FOXO1: variants seen among roughly 807,000 people sequenced by gnomAD.
FOXO1 encodes forkhead box protein O1.
In FOXO1, 6 loss-of-function variants were observed where a neutral mutation model predicts 44.1. The observed-to-expected ratio is 0.14, with a 90% CI of 0.07 to 0.27. FOXO1 has a LOEUF of 0.27. Ranked by LOEUF, FOXO1 falls within the 10% of genes least tolerant of loss-of-function variation. FOXO1 has a pLI of 1.00. For synonymous variants in FOXO1, 380 were observed against 362.7 expected, an observed-to-expected ratio of 1.05 and a Z score of -0.54; for missense variants, 737 against 888.8, an observed-to-expected ratio of 0.83 and a Z score of 2.17.
chr13:40,658,436 T>A (rs1877929453), intron 1 of FOXO1, among the ~76,000 whole-genome samples: 1 of 152,180 alleles, frequency 6.6e-6, no homozygotes, highest in Admixed American at 6.5e-5. Flanking sequence ...ATGAGCCATC[T>A]GAGGGCAGGG....
chr13:40,660,953 ACAACAACAACAAC>A lies in FOXO1; in HGVS notation c.630+4617_630+4629del, dbSNP rs527415656. Among the ~76,000 whole-genome samples the A allele has an allele frequency of 2.6e-3, 135 of 51,978 alleles. 2 individuals carry two copies. Among genetic ancestry groups the A allele is most frequent in the Admixed American group, 0.013 (65 of 5,136 alleles). The allele number at this position is 51,978 out of a possible 152,430, so 34.1% of individuals were successfully genotyped here. A position where few individuals can be genotyped will look rare whatever the true frequency, so the allele number is the denominator to read the frequency against. On this transcript the variant is annotated intron_variant, in intron 1 of 2. Coordinates refer to ENST00000379561, the MANE Select transcript of FOXO1 (RefSeq NM_002015.4). ...AGTGAGACCCTGGCTCAGAAAAACA[ACAACAACAACAAC>A]AACAACAACAACAACAACAACAAAA...
chr13:40,596,405 C>T (rs1875579051), intron 1 of FOXO1, among the ~76,000 whole-genome samples: 1 of 152,212 alleles, frequency 6.6e-6, no homozygotes, highest in Admixed American at 6.5e-5. Context: ...GACTACCTTG[C>T]ATACAGCCTT....
intron 1 of FOXO1, among the ~76,000 whole-genome samples, chr13:40,570,426 T>G (rs1393180909): frequency 6.6e-6 from 1 of 152,148 alleles, no homozygotes; most frequent in Non-Finnish European, 1.5e-5. Flanking sequence ...GACTACGGTA[T>G]TGAGGAACAA....
In FOXO1 at chr13:40,578,979, C is replaced by T. The variant is rs189751781; in HGVS notation, c.631-18119G>A. On this transcript the variant is annotated intron_variant, in intron 1 of 2. Coordinates refer to ENST00000379561, the MANE Select transcript of FOXO1 (RefSeq NM_002015.4). ...GGAAAATGCTGATCTAATGGCAAGA[C>T]GGTGGTAATGAGGAAGAAAATCTAA... Among the ~76,000 whole-genome samples the T allele has an allele frequency of 5.2e-3, 791 of 152,286 alleles. 7 individuals are homozygous for T. The highest frequency in any genetic ancestry group is 0.031 in the Middle Eastern group (9 of 294).
chr13:40,578,695 T>G (rs1284893913), intron 1 of FOXO1, among the ~76,000 whole-genome samples: 1 of 152,186 alleles, frequency 6.6e-6, no homozygotes, highest in African/African-American at 2.4e-5. Context: ...GTGATTTGAA[T>G]TCACTGAAAA....
intron 1 of FOXO1, among the ~76,000 whole-genome samples, chr13:40,645,156 T>C (rs1877470169): frequency 6.6e-6 from 1 of 152,196 alleles, no homozygotes; most frequent in African/African-American, 2.4e-5. Flanking sequence ...TATGAGTTAA[T>C]GACATGTCAC....
intron 1 of FOXO1, among the ~76,000 whole-genome samples, chr13:40,662,888 T>C (rs1018205390): frequency 6.6e-6 from 1 of 152,246 alleles, no homozygotes; most frequent in Non-Finnish European, 1.5e-5. Context: ...TTATGACTCT[T>C]AGAACAGGAG....
chr13:40,605,715 C>T (rs774315329), intron 1 of FOXO1, among the ~76,000 whole-genome samples: 8 of 152,166 alleles, frequency 5.3e-5, no homozygotes, highest in Non-Finnish European at 1.0e-4. Context: ...CCCCTAAACC[C>T]CCAAGGTACT....
intron 1 of FOXO1, among the ~76,000 whole-genome samples, chr13:40,665,148 G>C (rs2137949414): frequency 6.6e-6 from 1 of 151,814 alleles, no homozygotes; most frequent in South Asian, 2.1e-4. Context: ...CTCCCCCGCC[G>C]CGCCCGGCGG....
In FOXO1 at chr13:40,651,109, TTG is replaced by T. The variant is rs1252244654; in HGVS notation, c.630+14472_630+14473del. On this transcript the variant is annotated intron_variant, in intron 1 of 2. Transcript: ENST00000379561. ...GTTTTTTGTTTTTTGTTTTTTGTTT[TTG>T]TTTTTTTTTAAGAAACATGGTCCCA... Among the ~76,000 whole-genome samples, 5 of 149,990 alleles carry T rather than the reference TTG, an allele frequency of 3.3e-5. No homozygotes were observed. The East Asian group carries it at 5.8e-4, about 18-fold the overall frequency.
intron 1 of FOXO1, among the ~76,000 whole-genome samples, chr13:40,585,680 C>T (rs1376741493): frequency 1.3e-5 from 2 of 152,148 alleles, no homozygotes; most frequent in Non-Finnish European, 2.9e-5. Flanking sequence ...TTCAGGTGAG[C>T]CCTACTCAGG....
intron 1 of FOXO1, among the ~76,000 whole-genome samples, chr13:40,632,570 G>A (rs368481890): frequency 1.0e-3 from 154 of 151,756 alleles, no homozygotes; most frequent in African/African-American, 3.5e-3. Flanking sequence ...CCCGGGAGGC[G>A]GAGGTTGCAG....
intron 1 of FOXO1, among the ~76,000 whole-genome samples, chr13:40,561,650 G>T (rs1874023025): frequency 6.6e-6 from 1 of 151,450 alleles, no homozygotes; most frequent in Non-Finnish European, 1.5e-5. Context: ...AAACAAAAAA[G>T]ACAAAAGAAT....
chr13:40,598,397 G>C (rs1875677699), intron 1 of FOXO1, among the ~76,000 whole-genome samples: 1 of 151,976 alleles, frequency 6.6e-6, no homozygotes, highest in African/African-American at 2.4e-5. Context: ...CTAAAATTCT[G>C]ATTGAATTCA....
Position 40,560,126 on chromosome 13 carries a change from A to G in FOXO1, c.1365T>C (p.Tyr455=), listed in dbSNP as rs1288030424. The G allele has an allele frequency of 1.2e-6, 2 of 1,614,204 alleles. No homozygotes were observed. Among genetic ancestry groups the G allele is most frequent in the Non-Finnish European group, 1.7e-6 (2 of 1,180,036 alleles). The change falls in exon 2 of 3, where the codon TAT becomes TAC. Residue 455 remains tyrosine (Y), a synonymous_variant. Transcript: ENST00000379561. This position sits in a 1 kb window ranked among gnomAD's most constrained non-coding sequence, Gnocchi z 5.1. ...CCTTCAAGAGTCCAGGCGCACAGTT[A>G]TACTGACTCATACCTCCATAACTCG... The part of the protein sequence containing the change: ...NKSSYGGMSQ[Y]NCAPGLLKEL...
At chr13:40,587,060 A>G (rs1330991031) in intron 1 of FOXO1, among the ~76,000 whole-genome samples, 1 of 152,166 alleles carries the variant, frequency 6.6e-6, no homozygotes, top group Non-Finnish European at 1.5e-5. Flanking sequence ...TTGTACCAGA[A>G]ATGTTGGCAA....
chr13:40,652,731 G>T (rs1877725965), intron 1 of FOXO1, among the ~76,000 whole-genome samples: 1 of 152,112 alleles, frequency 6.6e-6, no homozygotes. Context: ...ACTACCTCAA[G>T]AATCTGCCAA....
At chr13:40,615,552 C>G (rs911815325) in intron 1 of FOXO1, among the ~76,000 whole-genome samples, 3 of 151,646 alleles carry the variant, frequency 2.0e-5, no homozygotes, top group African/African-American at 7.3e-5. Flanking sequence ...TACATACATA[C>G]ATACATACAT....
chr13:40,619,495 A>G, intron 1 of FOXO1: 1 of 1,318,016 alleles, frequency 7.6e-7, no homozygotes, highest in East Asian at 2.3e-5. Flanking sequence ...GTTTCGGTTT[A>G]GTTTGGAAAT....
Sources: gnomAD v4.1 joint callset for allele counts (sites outside exome capture counted in the v4.1 genomes callset) on GRCh38, gnomAD v4.1.1 for gene constraint, Gnocchi (gnomAD v3.1) non-coding constraint, MANE v1.5 for transcripts, NCBI Gene and HGNC (gene_info 2026-07-23, HGNC 2026-07-21) for gene names.